TTBK1: variants seen among roughly 807,000 people sequenced by gnomAD.
TTBK1 encodes tau tubulin kinase 1, also known as tau-tubulin kinase 1.
A neutral mutation model predicts 108.5 loss-of-function variants in TTBK1; 34 were observed. The ratio of observed to expected loss-of-function variants is 0.31; its 90% CI spans 0.24 to 0.42. The LOEUF is 0.42. TTBK1 is among the 10% of genes least tolerant of loss of function. TTBK1 has a pLI of 1.00. For missense variants in TTBK1, 1,539 were observed against 1,826.0 expected (o/e 0.84, Z 2.86); for synonymous variants, 809 against 795.1 (o/e 1.02, Z -0.29).
At position 43,253,190 on chromosome 6, in the gene TTBK1, C is replaced by A; in HGVS notation, c.257-101C>A. 1 of 1,327,872 alleles carries A rather than the reference C, an allele frequency of 7.5e-7. No individual in the cohort carries two copies. The highest frequency in any genetic ancestry group is 1.1e-6 in the Non-Finnish European group (1 of 922,406). 82.3% of individuals were successfully genotyped at this position (1,327,872 alleles called of 1,614,324 possible). A position where few individuals can be genotyped will look rare whatever the true frequency, so the allele number is the denominator to read the frequency against. Reference sequence around the variant, plus strand: ...AAGACAGGTGCTCACAGGGCCAGCACTGGAGGGACCAGGAATCAAGAGTGC... The same window carrying A: ...AAGACAGGTGCTCACAGGGCCAGCAATGGAGGGACCAGGAATCAAGAGTGC... On this transcript the variant is annotated intron_variant, in intron 3 of 14. Coordinates refer to ENST00000259750, the MANE Select transcript of TTBK1 (RefSeq NM_032538.3). This position sits in a 1 kb window ranked among gnomAD's most constrained non-coding sequence, Gnocchi z 5.8.
At position 43,285,440 on chromosome 6, in the gene TTBK1, A is replaced by G. The variant is rs1315595999; in HGVS notation, c.*64A>G. 5.8e-6 allele frequency: 7 copies of G among 1,197,296 alleles called. No individual in the cohort carries two copies. The highest frequency in any genetic ancestry group is 6.2e-6 in the Non-Finnish European group (6 of 963,296). The allele number at this position is 1,197,296 out of a possible 1,614,324, so 74.2% of individuals were successfully genotyped here. ...CGGCCCCCCACCCGCAGCCGGCCAC[A>G]CTGGAGCAGCTCCCAGCACAGCCTT... On this transcript the variant is annotated 3_prime_UTR_variant, in exon 15 of 15. Coordinates refer to ENST00000259750, the MANE Select transcript of TTBK1 (RefSeq NM_032538.3). The surrounding 1 kb of genome is among the most constrained non-coding windows in gnomAD (Gnocchi z 4.7).
intron 12 of TTBK1, among the ~76,000 whole-genome samples, chr6:43,262,258 G>A (rs1777561075): frequency 6.6e-6 from 1 of 152,194 alleles, no homozygotes. Flanking sequence ...AGTTTGTTGA[G>A]CTGGGACTAG....
rs1382034213 is a variant in TTBK1 at position 43,287,070 on chromosome 6, G to A, written c.*1694G>A. The A allele has an allele frequency of 6.5e-6, 1 of 152,718 alleles. No individual in the cohort carries two copies. The highest frequency in any genetic ancestry group is 1.9e-4 in the East Asian group (1 of 5,204). The allele number at this position is 152,718 out of a possible 1,614,324, so 9.5% of individuals were successfully genotyped here. ...AGCTTGGGCAGCCACTTCCAGGCCA[G>A]GGTGGTGGCTTCTCTGCAGACCAGC... On this transcript the variant is annotated 3_prime_UTR_variant, in exon 15 of 15. Coordinates refer to ENST00000259750, the MANE Select transcript of TTBK1 (RefSeq NM_032538.3). This position sits in a 1 kb window ranked among gnomAD's most constrained non-coding sequence, Gnocchi z 4.1.
At position 43,259,391 on chromosome 6, in the gene TTBK1, C is replaced by A; in HGVS notation, c.1248+122C>A. ...CCCGGCCATCTGCCTGCTTGCCCTG[C>A]CTCTGTTTCCCGGTCCCTCCCCGCA... On this transcript the variant is annotated intron_variant, in intron 11 of 14. Transcript: ENST00000259750. The surrounding 1 kb of genome is among the most constrained non-coding windows in gnomAD (Gnocchi z 6.7). 1.6e-6 allele frequency: 2 copies of A among 1,261,728 alleles called. No homozygotes were observed. The highest frequency in any genetic ancestry group is 2.2e-6 in the Non-Finnish European group (2 of 921,692). 78.2% of individuals were successfully genotyped at this position (1,261,728 alleles called of 1,614,324 possible). A position where few individuals can be genotyped will look rare whatever the true frequency, so the allele number is the denominator to read the frequency against.
At chr6:43,274,414 G>A (rs1777910538) in intron 13 of TTBK1, among the ~76,000 whole-genome samples, 1 of 152,146 alleles carries the variant, frequency 6.6e-6, no homozygotes, top group Admixed American at 6.5e-5. Context: ...GCAGTGGTCG[G>A]GGGAGCCTTG....
chr6:43,264,681 T>C (rs939468805), intron 13 of TTBK1, among the ~76,000 whole-genome samples: 2 of 152,096 alleles, frequency 1.3e-5, no homozygotes, highest in African/African-American at 4.8e-5. Flanking sequence ...GAGAAGGTCC[T>C]CGAAATCAGG....
chr6:43,275,170 A>G (rs978464758), intron 13 of TTBK1, among the ~76,000 whole-genome samples: 1 of 152,126 alleles, frequency 6.6e-6, no homozygotes, highest in South Asian at 2.1e-4. Flanking sequence ...AGGACTGCGC[A>G]GCCGGACCCC....
In TTBK1 at chr6:43,287,208, G is replaced by A. The variant is rs964864522; in HGVS notation, c.*1832G>A. On this transcript the variant is annotated 3_prime_UTR_variant, in exon 15 of 15. Transcript: ENST00000259750. The surrounding 1 kb of genome is among the most constrained non-coding windows in gnomAD (Gnocchi z 4.1). ...ACAGAGCCCTCCTTGTCAACTTGAG[G>A]CCCTCCCAAGGCCCTCTACTGCCCT... 6.6e-6 allele frequency: 1 copy of A among 152,608 alleles called. No homozygotes were observed. The highest frequency in any genetic ancestry group is 2.4e-5 in the African/African-American group (1 of 41,422). 9.5% of individuals were successfully genotyped at this position (152,608 alleles called of 1,614,324 possible).
intron 2 of TTBK1, among the ~76,000 whole-genome samples, chr6:43,250,154 G>C (rs1051098917): frequency 1.3e-5 from 2 of 152,064 alleles, no homozygotes; most frequent in Non-Finnish European, 2.9e-5. Context: ...CTGGGAAATT[G>C]GGAAGTAGGT....
chr6:43,245,946 T>A (rs554370978), intron 1 of TTBK1, among the ~76,000 whole-genome samples: 17 of 152,308 alleles, frequency 1.1e-4, no homozygotes, highest in African/African-American at 3.8e-4. Flanking sequence ...ATCACCTGTG[T>A]TCACCCCATC....
In TTBK1 at chr6:43,285,290, A is replaced by T; in HGVS notation, c.3880A>T (p.Lys1294Ter). Residue 1294 changes from lysine (K) to a stop codon, truncating the protein, a stop_gained, in exon 15 of 15, where the codon AAA (lysine) becomes TAA (stop). Coordinates refer to ENST00000259750, the MANE Select transcript of TTBK1 (RefSeq NM_032538.3). LOFTEE classifies it high-confidence loss of function. The surrounding 1 kb of genome is among the most constrained non-coding windows in gnomAD (Gnocchi z 4.7). ...CACCCCCTCCCCCGGGGGCTCCAAGAAAGGACCCAGAGGGAAACTCCAGGC... is the reference window on the plus strand; with the variant it reads ...CACCCCCTCCCCCGGGGGCTCCAAGTAAGGACCCAGAGGGAAACTCCAGGC... ...DGTPSPGGSKKGPRGKLQAQR... is the reference protein window; with the variant it reads ...DGTPSPGGSK 7.7e-7 allele frequency: 1 copy of T among 1,291,954 alleles called. No homozygotes were observed. The highest frequency in any genetic ancestry group is 9.8e-7 in the Non-Finnish European group (1 of 1,023,840). The allele number at this position is 1,291,954 out of a possible 1,614,324, so 80.0% of individuals were successfully genotyped here. A position where few individuals can be genotyped will look rare whatever the true frequency, so the allele number is the denominator to read the frequency against.
intron 13 of TTBK1, among the ~76,000 whole-genome samples, chr6:43,274,002 G>A (rs1162043711): frequency 6.6e-6 from 1 of 152,132 alleles, no homozygotes; most frequent in Admixed American, 6.5e-5. Context: ...GTGTGCATAA[G>A]TGCCTGAATG....
rs567127057 is a variant in TTBK1 at position 43,265,566 on chromosome 6, C to T, written c.1986+2216C>T. Among the ~76,000 whole-genome samples, 68 of 152,318 alleles carry T rather than the reference C, an allele frequency of 4.5e-4. No individual in the cohort carries two copies. The highest frequency in any genetic ancestry group is 3.4e-3 in the Middle Eastern group (1 of 294). ...CATTGCGTTGTAACTAGCCATTGCT[C>T]CCACCACACCCAGCACCAGGCAGCA... is the stretch of plus-strand genomic sequence containing the variant. On this transcript the variant is annotated intron_variant, in intron 13 of 14. Coordinates refer to ENST00000259750, the MANE Select transcript of TTBK1 (RefSeq NM_032538.3). This position sits in a 1 kb window ranked among gnomAD's most constrained non-coding sequence, Gnocchi z 4.1.
chr6:43,283,539 T>C lies in TTBK1; in HGVS notation c.2799T>C (p.Ile933=). Residue 933 remains isoleucine (I), a synonymous_variant, in exon 14 of 15, where the codon ATT becomes ATC. Coordinates refer to ENST00000259750, the MANE Select transcript of TTBK1 (RefSeq NM_032538.3). This position sits in a 1 kb window ranked among gnomAD's most constrained non-coding sequence, Gnocchi z 8.1. ...AAGTTGAGAGGACCTTTGTGCACAT[T>C]GCGGAGAAAACCCACCTCAACGTCA... is the stretch of plus-strand genomic sequence containing the variant. ...FTKVERTFVH[I]AEKTHLNVMS... 1.9e-6 allele frequency: 3 copies of C among 1,613,946 alleles called. No homozygotes were observed. Among genetic ancestry groups the C allele is most frequent in the Non-Finnish European group, 2.5e-6 (3 of 1,179,954 alleles).
In TTBK1 at chr6:43,259,367, C is replaced by G. The variant is rs920121222; in HGVS notation, c.1248+98C>G. The G allele has an allele frequency of 1.2e-5, 15 of 1,288,194 alleles. No individual in the cohort carries two copies. The highest frequency in any genetic ancestry group is 1.6e-5 in the Non-Finnish European group (15 of 946,428). The allele number at this position is 1,288,194 out of a possible 1,614,324, so 79.8% of individuals were successfully genotyped here. The stretch of plus-strand genomic sequence containing the variant: ...CCTGTTCCTCCTAAGCACCCTGTCC[C>G]CGGCCATCTGCCTGCTTGCCCTGCC... On this transcript the variant is annotated intron_variant, in intron 11 of 14. Transcript: ENST00000259750. This position sits in a 1 kb window ranked among gnomAD's most constrained non-coding sequence, Gnocchi z 6.7.
chr6:43,278,363 T>C (rs1484961218), intron 13 of TTBK1, among the ~76,000 whole-genome samples: 1 of 152,106 alleles, frequency 6.6e-6, no homozygotes. Flanking sequence ...GCTTTCATTC[T>C]CTCTGAGGGT....
chr6:43,270,016 G>T (rs1402694097), intron 13 of TTBK1: 11 of 1,426,734 alleles, frequency 7.7e-6, no homozygotes, highest in Non-Finnish European at 1.0e-5. Context: ...GAGGACCATG[G>T]TTCCTTCCCA....
rs1316978124 is a variant in TTBK1 at position 43,265,740 on chromosome 6, AG to A, written c.1986+2393del. Among the ~76,000 whole-genome samples the A allele has an allele frequency of 6.6e-6, 1 of 152,132 alleles. No individual in the cohort carries two copies. Among genetic ancestry groups the A allele is most frequent in the Non-Finnish European group, 1.5e-5 (1 of 68,026 alleles). The stretch of plus-strand genomic sequence containing the variant: ...CCCGTAGGAAGTGCAGAGTCTAGGG[AG>A]GGTGACAGACAGTGTCAAGAGAGAG... On this transcript the variant is annotated intron_variant, in intron 13 of 14. Coordinates refer to ENST00000259750, the MANE Select transcript of TTBK1 (RefSeq NM_032538.3). The surrounding 1 kb of genome is among the most constrained non-coding windows in gnomAD (Gnocchi z 4.1).
At chr6:43,266,236 A>G (rs1197925244) in intron 13 of TTBK1, among the ~76,000 whole-genome samples, 4 of 152,216 alleles carry the variant, frequency 2.6e-5, no homozygotes, top group Non-Finnish European at 5.9e-5. Flanking sequence ...ATGTGTCCAC[A>G]TGTATGTGCC....
Sources: gnomAD v4.1 joint callset for allele counts (sites outside exome capture counted in the v4.1 genomes callset) on GRCh38, gnomAD v4.1.1 for gene constraint, Gnocchi (gnomAD v3.1) non-coding constraint, MANE v1.5 for transcripts, NCBI Gene and HGNC (gene_info 2026-07-23, HGNC 2026-07-21) for gene names.